Variants in TIAM1 observed in about 807,000 individuals in gnomAD.
TIAM1 encodes rho guanine nucleotide exchange factor TIAM1.
Under a neutral mutation model 163.5 loss-of-function variants are expected in TIAM1, and 65 were observed. The ratio of observed to expected loss-of-function variants is 0.40; its 90% CI spans 0.33 to 0.49. The LOEUF is 0.49. Ranked by LOEUF, TIAM1 falls within the 20% of genes least tolerant of loss-of-function variation. The probability of loss-of-function intolerance (pLI) is 0.77; values close to 1 mark genes in which losing one functional copy is unlikely to be tolerated. For missense variants in TIAM1, 1,789 were observed against 2,044.7 expected, an observed-to-expected ratio of 0.87 and a Z score of 2.41; for synonymous variants, 833 against 810.1, an observed-to-expected ratio of 1.03 and a Z score of -0.48.
rs772488789 is a variant in TIAM1 at position 31,127,170 on chromosome 21, A to G, written c.4046-18T>C. 18 of 1,609,394 alleles carry G rather than the reference A, an allele frequency of 1.1e-5. 1 individual carries two copies. The South Asian group carries it at 1.9e-4, about 17-fold the overall frequency. ...CTCTGCATCTAAAGAAATTAAAACA[A>G]CAATGAATCAGGGTATGTTTCAAGT... On this transcript the variant is annotated intron_variant, in intron 25 of 27. Transcript: ENST00000541036.
intron 11 of TIAM1, among the ~76,000 whole-genome samples, chr21:31,206,145 TC>T (rs2146535738): frequency 6.6e-6 from 1 of 152,330 alleles, no homozygotes; most frequent in African/African-American, 2.4e-5. Flanking sequence ...CTAATTTTGG[TC>T]AGTAAATAGT....
intron 1 of TIAM1, among the ~76,000 whole-genome samples, chr21:31,466,176 T>C (rs958710239): frequency 6.6e-6 from 1 of 152,170 alleles, no homozygotes; most frequent in African/African-American, 2.4e-5. Flanking sequence ...TCAAGGTCAT[T>C]GCAATAGGGA....
At chr21:31,133,191 T>C (rs1372538693) in intron 23 of TIAM1, among the ~76,000 whole-genome samples, 2 of 152,174 alleles carry the variant, frequency 1.3e-5, no homozygotes, top group African/African-American at 2.4e-5. Context: ...ACCATCAAAC[T>C]TGTCTCTTTA....
chr21:31,319,665 A>G (rs1358690884), intron 2 of TIAM1, among the ~76,000 whole-genome samples: 1 of 151,674 alleles, frequency 6.6e-6, no homozygotes, highest in Non-Finnish European at 1.5e-5. Context: ...CTGTGGTCCC[A>G]GCTACTCGGG....
intron 2 of TIAM1, among the ~76,000 whole-genome samples, chr21:31,384,024 T>C (rs960784855): frequency 6.6e-6 from 1 of 152,112 alleles, no homozygotes; most frequent in South Asian, 2.1e-4. Flanking sequence ...TCAGGAGCAA[T>C]GCAAATTGCT....
At chr21:31,274,202 G>A (rs376340724) in intron 3 of TIAM1, among the ~76,000 whole-genome samples, 5 of 151,074 alleles carry the variant, frequency 3.3e-5, no homozygotes, top group South Asian at 4.2e-4. Context: ...GAAATAGTGC[G>A]AGACTCCTTC....
At chr21:31,519,961 A>C (rs1249203833) in intron 1 of TIAM1, among the ~76,000 whole-genome samples, 1 of 152,104 alleles carries the variant, frequency 6.6e-6, no homozygotes, top group East Asian at 1.9e-4. Flanking sequence ...GGAAGATGAA[A>C]AGTTCTGGAG....
intron 2 of TIAM1, among the ~76,000 whole-genome samples, chr21:31,391,309 T>C (rs2147195727): frequency 6.6e-6 from 1 of 152,258 alleles, no homozygotes; most frequent in South Asian, 2.1e-4. Flanking sequence ...ATTGTAACTC[T>C]GAATCCAGCT....
rs1161955569 is a variant in TIAM1 at position 31,251,945 on chromosome 21, T to A, written c.1208A>T (p.Glu403Val). Residue 403 changes from glutamate (E) to valine (V), a missense_variant, in exon 5 of 28, where the codon GAG becomes GTG. By Grantham distance (121) the Glu-to-Val change is moderately radical. Transcript: ENST00000541036. ...MSTTNSESLEEAGSAHSDEQS... is the reference protein window; with the variant it reads ...MSTTNSESLEVAGSAHSDEQS... Reference sequence around the variant, plus strand: ...CTCATCGCTGTGCGCCGAGCCGGCCTCCTCCAGGCTCTCGCTGTTGGTGGT... The same window carrying A: ...CTCATCGCTGTGCGCCGAGCCGGCCACCTCCAGGCTCTCGCTGTTGGTGGT... 6.2e-7 allele frequency: 1 copy of A among 1,613,944 alleles called. No homozygotes were observed. Among genetic ancestry groups the A allele is most frequent in the South Asian group, 1.1e-5 (1 of 91,072 alleles).
chr21:31,371,973 AAT>A (rs1273986675), intron 2 of TIAM1, among the ~76,000 whole-genome samples: 1 of 152,194 alleles, frequency 6.6e-6, no homozygotes, highest in African/African-American at 2.4e-5. Context: ...CCCAGTTAAC[AAT>A]AGACTATTCT....
intron 15 of TIAM1, among the ~76,000 whole-genome samples, chr21:31,176,411 A>G (rs2084767747): frequency 6.6e-6 from 1 of 152,060 alleles, no homozygotes; most frequent in African/African-American, 2.4e-5. Context: ...ATGTATGAAA[A>G]CAAATGCTTA....
At chr21:31,451,962 G>T (rs546375159) in intron 2 of TIAM1, among the ~76,000 whole-genome samples, 1 of 152,232 alleles carries the variant, frequency 6.6e-6, no homozygotes, top group Admixed American at 6.5e-5. Flanking sequence ...GAACACTGGA[G>T]GTGATGCTAA....
intron 2 of TIAM1, among the ~76,000 whole-genome samples, chr21:31,324,950 C>T (rs2075435004): frequency 6.6e-6 from 1 of 152,128 alleles, no homozygotes; most frequent in Non-Finnish European, 1.5e-5. Flanking sequence ...ACAATGAGTA[C>T]ACCAACACTG....
At chr21:31,207,403 AAAT>A (rs2086506222) in intron 11 of TIAM1, among the ~76,000 whole-genome samples, 2 of 152,174 alleles carry the variant, frequency 1.3e-5, no homozygotes, top group Admixed American at 6.5e-5. Flanking sequence ...ATTGATTATT[AAAT>A]ATTAGAGAAA....
chr21:31,156,508 G>C (rs73349735), intron 16 of TIAM1, among the ~76,000 whole-genome samples: 4,057 of 152,230 alleles, frequency 0.027, 199 homozygotes, highest in African/African-American at 0.093. Flanking sequence ...TTTCATCAAA[G>C]CTTGTTTCAG....
chr21:31,195,106 C>T (rs954360995), intron 13 of TIAM1, 118 bp downstream of exon 13: 19 of 706,174 alleles, frequency 2.7e-5, no homozygotes, highest in Non-Finnish European at 4.3e-5. Context: ...AGAGCAGGAG[C>T]CAGATATACT....
chr21:31,312,119 T>C (rs1322380377), intron 2 of TIAM1, among the ~76,000 whole-genome samples: 1 of 152,238 alleles, frequency 6.6e-6, no homozygotes, highest in African/African-American at 2.4e-5. Context: ...CTTTTGAGGC[T>C]TGGGGACTCG....
rs199874953 is a variant in TIAM1 at position 31,321,102 on chromosome 21, TGATTGTG to T, written c.-189+18134_-189+18140del. Among the ~76,000 whole-genome samples the T allele has an allele frequency of 4.6e-3, 692 of 150,932 alleles. 6 individuals are homozygous for T. Among genetic ancestry groups the T allele is most frequent in the African/African-American group, 0.016 (647 of 41,130 alleles). ...AGGAGTTTGAGGCTACAGTGAGCTATGATTGTGCTACCGCGCTCCAGCCTGGGCCACA... is the reference window on the plus strand; with the variant it reads ...AGGAGTTTGAGGCTACAGTGAGCTATCTACCGCGCTCCAGCCTGGGCCACA... On this transcript the variant is annotated intron_variant, in intron 2 of 27. Coordinates refer to ENST00000541036, the MANE Select transcript of TIAM1 (RefSeq NM_001353694.2).
At chr21:31,512,199 C>T (rs564435515) in intron 1 of TIAM1, among the ~76,000 whole-genome samples, 1 of 152,128 alleles carries the variant, frequency 6.6e-6, no homozygotes, top group African/African-American at 2.4e-5. Context: ...TAGGTTGAAG[C>T]GATCCTCCCA....
Sources: allele counts gnomAD v4.1 joint callset (sites outside exome capture counted in the v4.1 genomes callset), GRCh38; gene constraint gnomAD v4.1.1; transcripts MANE v1.5; gene names NCBI Gene and HGNC (gene_info 2026-07-23, HGNC 2026-07-21).